RAP1GAP2: variants seen among roughly 807,000 people sequenced by gnomAD.
RAP1GAP2 encodes the protein rap1 GTPase-activating protein 2.
In RAP1GAP2, 27 loss-of-function variants were observed where a neutral mutation model predicts 95.0. The observed-to-expected ratio is 0.28, with a 90% confidence interval of 0.21 to 0.39. The LOEUF is 0.39. RAP1GAP2 is among the 10% of genes least tolerant of loss of function. The pLI is 1.00. For missense variants in RAP1GAP2, 771 were observed against 970.0 expected, an observed-to-expected ratio of 0.79 and a Z score of 2.72; for synonymous variants, 373 against 380.9, an observed-to-expected ratio of 0.98 and a Z score of 0.24.
At chr17:3,019,038 G>T (rs1295204451) in intron 18 of RAP1GAP2, among the ~76,000 whole-genome samples, 1 of 152,106 alleles carries the variant, frequency 6.6e-6, no homozygotes, top group African/African-American at 2.4e-5. Context: ...CTCCAGCCTG[G>T]GTGACAGCGA....
chr17:2,920,343 G>T (rs374648353), intron 3 of RAP1GAP2, among the ~76,000 whole-genome samples: 306 of 152,256 alleles, frequency 2.0e-3, no homozygotes, highest in African/African-American at 6.7e-3. Flanking sequence ...GGCATTCAGG[G>T]CGTCACCCAG....
Position 2,780,103 on chromosome 17 carries a change from T to G in RAP1GAP2, c.-14+2825T>G, listed in dbSNP as rs534099783. 5.9e-5 allele frequency among the ~76,000 whole-genome samples: 9 copies of G among 152,140 alleles called. No individual in the cohort carries two copies. In the South Asian group the frequency reaches 6.2e-4, roughly 10 times the overall value. On this transcript the variant is annotated intron_variant, in intron 1 of 24. Transcript: ENST00000540393. The stretch of plus-strand genomic sequence containing the variant: ...TTCGCTCTTGTTGTCCAGGCTGGAG[T>G]GCAGTGGCGCGATCTCGGCTCACCG...
intron 17 of RAP1GAP2, among the ~76,000 whole-genome samples, chr17:3,016,153 C>G (rs1244565370): frequency 2.0e-5 from 3 of 152,208 alleles, no homozygotes; most frequent in African/African-American, 7.2e-5. Flanking sequence ...CAGCTTTGTC[C>G]CTCAGGCTTG....
intron 1 of RAP1GAP2, among the ~76,000 whole-genome samples, chr17:2,760,837 T>C (rs1431403432): frequency 1.3e-5 from 2 of 152,184 alleles, no homozygotes; most frequent in Non-Finnish European, 2.9e-5. Context: ...GCTCATATTT[T>C]GTAGATTGCC....
At chr17:2,844,055 G>C (rs1265864934) in intron 2 of RAP1GAP2, among the ~76,000 whole-genome samples, 1 of 151,612 alleles carries the variant, frequency 6.6e-6, no homozygotes, top group Admixed American at 6.6e-5. Flanking sequence ...GAGTCTTGCT[G>C]TGTCGCCCAG....
At chr17:2,887,515 C>T (rs1464388181) in intron 2 of RAP1GAP2, among the ~76,000 whole-genome samples, 3 of 151,878 alleles carry the variant, frequency 2.0e-5, no homozygotes, top group Non-Finnish European at 2.9e-5. Flanking sequence ...GCTGGGATTA[C>T]AGGCACACGC....
intron 16 of RAP1GAP2, among the ~76,000 whole-genome samples, chr17:3,007,167 G>T (rs1186935128): frequency 6.6e-6 from 1 of 152,148 alleles, no homozygotes; most frequent in Non-Finnish European, 1.5e-5. Context: ...ACCCACGGGG[G>T]CTGGAATGGT....
intron 2 of RAP1GAP2, among the ~76,000 whole-genome samples, chr17:2,832,869 G>T (rs2070950561): frequency 1.3e-5 from 2 of 151,276 alleles, no homozygotes; most frequent in South Asian, 2.1e-4. Flanking sequence ...CCAGCTACTC[G>T]GTGGGGGGCT....
intron 3 of RAP1GAP2, among the ~76,000 whole-genome samples, chr17:2,909,497 C>T (rs867476411): frequency 3.9e-5 from 6 of 152,082 alleles, no homozygotes; most frequent in African/African-American, 7.2e-5. Flanking sequence ...GGGAGTGAGG[C>T]AGGGGTGCTC....
At chr17:2,992,491 T>C (rs1039055165) in intron 12 of RAP1GAP2, among the ~76,000 whole-genome samples, 2 of 152,074 alleles carry the variant, frequency 1.3e-5, no homozygotes, top group African/African-American at 4.8e-5. Context: ...GGCAGTAAGA[T>C]AGAACATTGG....
At chr17:2,833,312 T>C (rs1400133167) in intron 2 of RAP1GAP2, among the ~76,000 whole-genome samples, 1 of 151,628 alleles carries the variant, frequency 6.6e-6, no homozygotes, top group African/African-American at 2.4e-5. Flanking sequence ...CTGATTTTTG[T>C]ATTTAGTAGA....
At chr17:2,792,317 C>T (rs1567651432), upstream of RAP1GAP2, among the ~76,000 whole-genome samples, 1 of 152,310 alleles carries the variant, frequency 6.6e-6, no homozygotes, top group East Asian at 1.9e-4. Flanking sequence ...GTAATGATAG[C>T]AGCTCCCGTG....
rs984963582 is a variant in RAP1GAP2, at chr17:2,816,590, C to T, written c.80+16040C>T. Among the ~76,000 whole-genome samples, 11 of 151,700 alleles carry T rather than the reference C, an allele frequency of 7.3e-5. No homozygotes were observed. In the East Asian group the frequency reaches 1.4e-3, roughly 19 times the overall value. On this transcript the variant is annotated intron_variant, in intron 2 of 24. Transcript: ENST00000254695. ...CTGACCTCAGGTGATCCACCCACCT[C>T]GGCCTCCCAAAGTGCTGGGATTACA...
chr17:2,919,348 A>G (rs553956000), intron 3 of RAP1GAP2, among the ~76,000 whole-genome samples: 2 of 152,292 alleles, frequency 1.3e-5, no homozygotes, highest in African/African-American at 4.8e-5. Context: ...CAGGGTCGCC[A>G]TCCTCATGAA....
chr17:3,013,432 G>T (rs961591136), intron 17 of RAP1GAP2, among the ~76,000 whole-genome samples: 1 of 152,112 alleles, frequency 6.6e-6, no homozygotes, highest in South Asian at 2.1e-4. Context: ...TCGGAGTCAT[G>T]GTCTCTTGGA....
intron 2 of RAP1GAP2, among the ~76,000 whole-genome samples, chr17:2,859,376 G>A (rs573658281): frequency 6.6e-6 from 1 of 151,968 alleles, no homozygotes; most frequent in Non-Finnish European, 1.5e-5. Flanking sequence ...CTCCCAAAGT[G>A]CTGGAATTAT....
At chr17:2,957,101 C>T (rs1469188080) in intron 3 of RAP1GAP2, among the ~76,000 whole-genome samples, 2 of 148,936 alleles carry the variant, frequency 1.3e-5, no homozygotes, top group Non-Finnish European at 3.0e-5. Flanking sequence ...GCACTCCAGC[C>T]TGGGTGACAG....
chr17:2,807,124 C>T (rs149181574), intron 2 of RAP1GAP2, among the ~76,000 whole-genome samples: 171 of 151,672 alleles, frequency 1.1e-3, no homozygotes, highest in African/African-American at 3.6e-3. Flanking sequence ...CTCAAACTCC[C>T]GACCTCAGGT....
At chr17:3,014,427 G>T (rs747539556) in intron 17 of RAP1GAP2, among the ~76,000 whole-genome samples, 1 of 152,184 alleles carries the variant, frequency 6.6e-6, no homozygotes, top group Non-Finnish European at 1.5e-5. Flanking sequence ...TCTGTTGACT[G>T]CAGTGTCATT....
Sources: gnomAD v4.1 joint callset for allele counts (sites outside exome capture counted in the v4.1 genomes callset) on GRCh38, gnomAD v4.1.1 for gene constraint, MANE v1.5 for transcripts, NCBI Gene and HGNC (gene_info 2026-07-23, HGNC 2026-07-21) for gene names.